The following NFIA variants were observed in gnomAD, a reference collection of about 807,000 sequenced individuals.
NFIA encodes nuclear factor I A.
Under a neutral mutation model 62.8 loss-of-function variants are expected in NFIA, and 8 were observed. That is an observed-to-expected ratio of 0.13 (90% CI 0.07 to 0.23). The LOEUF (loss-of-function observed/expected upper bound fraction) is 0.23. Among genes scored for constraint, NFIA ranks in the 10% least tolerant of loss-of-function variants. NFIA has a pLI of 1.00. For synonymous variants in NFIA, 235 were observed against 238.1 expected (o/e 0.99, Z 0.12); for missense variants, 410 against 642.1 (o/e 0.64, Z 3.91).
intron 9 of NFIA, among the ~76,000 whole-genome samples, chr1:61,415,888 G>C (rs1666327172): frequency 6.6e-6 from 1 of 152,048 alleles, no homozygotes; most frequent in Non-Finnish European, 1.5e-5. Flanking sequence ...ATAAAGTATT[G>C]ATTGCAACAT....
At chr1:61,180,002 C>T (rs1477488152) in intron 2 of NFIA, among the ~76,000 whole-genome samples, 1 of 152,170 alleles carries the variant, frequency 6.6e-6, no homozygotes, top group Non-Finnish European at 1.5e-5. Flanking sequence ...ACTCTTTATG[C>T]ATTATGTGAA....
At chr1:61,291,375 A>G (rs1263016850) in intron 3 of NFIA, among the ~76,000 whole-genome samples, 1 of 152,232 alleles carries the variant, frequency 6.6e-6, no homozygotes, top group Non-Finnish European at 1.5e-5. Context: ...AAAAGATTCT[A>G]ACAAAGTTTC....
At chr1:61,147,894 C>T (rs553725672) in intron 2 of NFIA, among the ~76,000 whole-genome samples, 21 of 152,164 alleles carry the variant, frequency 1.4e-4, no homozygotes, top group Middle Eastern at 3.4e-3. Flanking sequence ...TTAATATTGA[C>T]GAGTGGGCAG....
At chr1:61,321,353 G>T (rs1181968775) in intron 3 of NFIA, among the ~76,000 whole-genome samples, 2 of 151,804 alleles carry the variant, frequency 1.3e-5, no homozygotes, top group East Asian at 3.9e-4. Flanking sequence ...ACTAATAAAT[G>T]CATAATTCTA....
At chr1:61,236,894 C>T (rs959292243) in intron 2 of NFIA, among the ~76,000 whole-genome samples, 1 of 152,150 alleles carries the variant, frequency 6.6e-6, no homozygotes, top group Non-Finnish European at 1.5e-5. Context: ...AACAGAACAA[C>T]CTCTTTGAAG....
At chr1:61,234,084 C>G (rs1424238217) in intron 2 of NFIA, among the ~76,000 whole-genome samples, 2 of 152,056 alleles carry the variant, frequency 1.3e-5, no homozygotes, top group Non-Finnish European at 2.9e-5. Context: ...AAAGTGGCTC[C>G]TGGCTGGGCG....
intron 2 of NFIA, among the ~76,000 whole-genome samples, chr1:61,140,943 G>A (rs1245173420): frequency 6.6e-6 from 1 of 150,842 alleles, no homozygotes; most frequent in Non-Finnish European, 1.5e-5. Flanking sequence ...CTGTAGTTGG[G>A]CTGTGGTCTA....
At chr1:61,337,884 C>A (rs1246290969) in intron 4 of NFIA, among the ~76,000 whole-genome samples, 1 of 152,186 alleles carries the variant, frequency 6.6e-6, no homozygotes, top group Non-Finnish European at 1.5e-5. Context: ...CTGGTAGGAA[C>A]CCAGAAAGTT....
intron 7 of NFIA, among the ~76,000 whole-genome samples, chr1:61,391,695 C>T (rs1426504957): frequency 2.0e-5 from 3 of 152,154 alleles, no homozygotes; most frequent in African/African-American, 7.2e-5. Flanking sequence ...AAGAACGTCC[C>T]CTGGCGTTTC....
At chr1:61,320,707 C>T (rs1281673849) in intron 3 of NFIA, among the ~76,000 whole-genome samples, 1 of 152,072 alleles carries the variant, frequency 6.6e-6, no homozygotes, top group Non-Finnish European at 1.5e-5. Context: ...GGTGGTTTAG[C>T]AAGCAGGATT....
chr1:61,171,915 TTTACC>T (rs1360604387), intron 2 of NFIA, among the ~76,000 whole-genome samples: 1 of 152,086 alleles, frequency 6.6e-6, no homozygotes, highest in East Asian at 1.9e-4. Flanking sequence ...TTTCAAAGAG[TTTACC>T]TTAAGAGCTT....
At chr1:61,333,148 A>G (rs1661400439) in intron 4 of NFIA, among the ~76,000 whole-genome samples, 1 of 152,034 alleles carries the variant, frequency 6.6e-6, no homozygotes, top group African/African-American at 2.4e-5. Flanking sequence ...CACAAATACA[A>G]TGATTATGAT....
chr1:61,138,614 T>C (rs1647270496), intron 2 of NFIA, among the ~76,000 whole-genome samples: 2 of 152,020 alleles, frequency 1.3e-5, no homozygotes, highest in Admixed American at 1.3e-4. Context: ...AAGATCTTAC[T>C]CTGTTTCCCA....
At chr1:61,102,479 T>G (rs535671343) in intron 2 of NFIA, among the ~76,000 whole-genome samples, 1 of 152,312 alleles carries the variant, frequency 6.6e-6, no homozygotes, top group South Asian at 2.1e-4. Context: ...ACTAAATCTT[T>G]AGAACCATAT....
At chr1:61,407,644 TATAAG>T (rs571837957) in intron 9 of NFIA, among the ~76,000 whole-genome samples, 23 of 152,056 alleles carry the variant, frequency 1.5e-4, no homozygotes, top group Admixed American at 6.5e-4. Context: ...GGCAGCAAAG[TATAAG>T]AGAAGGATAG....
chr1:61,118,246 A>G (rs1267346151), intron 2 of NFIA, among the ~76,000 whole-genome samples: 2 of 152,154 alleles, frequency 1.3e-5, no homozygotes, highest in Admixed American at 1.3e-4. Flanking sequence ...AAAGAAAGGA[A>G]AAGAATTCTT....
intron 2 of NFIA, among the ~76,000 whole-genome samples, chr1:61,195,441 G>A (rs1199428464): frequency 1.3e-5 from 2 of 152,124 alleles, no homozygotes; most frequent in Non-Finnish European, 2.9e-5. Context: ...GGTCTAGTCT[G>A]TAATTTATTC....
chr1:61,429,627 G>A (rs1667015774), intron 10 of NFIA, among the ~76,000 whole-genome samples: 1 of 152,228 alleles, frequency 6.6e-6, no homozygotes, highest in Non-Finnish European at 1.5e-5. Context: ...TGTGGTTGTA[G>A]CAGCATTCTC....
At chr1:61,186,795 C>T (rs906085010) in intron 2 of NFIA, among the ~76,000 whole-genome samples, 8 of 152,308 alleles carry the variant, frequency 5.3e-5, no homozygotes, top group Admixed American at 2.6e-4. Flanking sequence ...TTAATCCTTA[C>T]AGCAACCTTA....
Sources: gnomAD v4.1 joint callset for allele counts (sites outside exome capture counted in the v4.1 genomes callset) on GRCh38, gnomAD v4.1.1 for gene constraint, MANE v1.5 for transcripts, NCBI Gene and HGNC (gene_info 2026-07-23, HGNC 2026-07-21) for gene names.